The following MYO9A variants were observed in gnomAD, a reference collection of about 807,000 sequenced individuals.
MYO9A encodes the protein myosin IXA.
A neutral mutation model predicts 293.3 loss-of-function variants in MYO9A; 103 were observed. The observed-to-expected ratio is 0.35, with a 90% confidence interval of 0.30 to 0.41. The LOEUF (loss-of-function observed/expected upper bound fraction) is 0.41, where lower values mean the gene tolerates loss of function less well. Ranked by LOEUF, MYO9A falls within the 10% of genes least tolerant of loss-of-function variation. The probability of loss-of-function intolerance (pLI) is 1.00; values close to 1 mark genes in which losing one functional copy is unlikely to be tolerated. For synonymous variants in MYO9A, 1,001 were observed against 1,035.7 expected, an observed-to-expected ratio of 0.97 and a Z score of 0.64; for missense variants, 2,685 against 3,033.0, an observed-to-expected ratio of 0.89 and a Z score of 2.69.
In MYO9A at chr15:72,078,957, CGTT is replaced by C. The variant is rs1270329829; in HGVS notation, c.-71-32326_-71-32324del. ...CAGCAAGAAGACAGTGGTTGAAAAGCGTTGTGGGAGGTGAAAGGATGAAAAGGT... is the reference window on the plus strand; with the variant it reads ...CAGCAAGAAGACAGTGGTTGAAAAGCGTGGGAGGTGAAAGGATGAAAAGGT... On this transcript the variant is annotated intron_variant, in intron 1 of 41. Transcript: ENST00000356056. Among the ~76,000 whole-genome samples, 10 of 152,090 alleles carry C rather than the reference CGTT, an allele frequency of 6.6e-5. 1 individual carries two copies.
intron 1 of MYO9A, among the ~76,000 whole-genome samples, chr15:72,072,419 C>T (rs1201550387): frequency 1.3e-5 from 2 of 152,206 alleles, no homozygotes; most frequent in African/African-American, 4.8e-5. Flanking sequence ...GCGTGAACCA[C>T]AGCGTCCAGC....
chr15:72,042,471 A>G (rs1430603258), intron 2 of MYO9A, among the ~76,000 whole-genome samples: 4 of 152,180 alleles, frequency 2.6e-5, no homozygotes, highest in Non-Finnish European at 4.4e-5. Flanking sequence ...CATTCCTGAA[A>G]AAAAGCTCTA....
intron 26 of MYO9A, chr15:71,889,443 CCTTTTTTTT>C (rs1257500172): frequency 1.5e-5 from 2 of 135,116 alleles, no homozygotes; most frequent in Non-Finnish European, 3.1e-5. Context: ...GTCTAACAAA[CCTTTTTTTT>C]TTTTTTTTTT....
intron 1 of MYO9A, among the ~76,000 whole-genome samples, chr15:72,097,934 T>A (rs978773310): frequency 1.3e-5 from 2 of 151,614 alleles, no homozygotes; most frequent in Non-Finnish European, 2.9e-5. Context: ...AAATAAAAAT[T>A]TTTTTAAAAA....
At chr15:72,086,915 G>A (rs1374348454) in intron 1 of MYO9A, among the ~76,000 whole-genome samples, 6 of 152,074 alleles carry the variant, frequency 3.9e-5, no homozygotes, top group Non-Finnish European at 7.4e-5. Flanking sequence ...TTACAGGCAT[G>A]CACCACACAC....
At chr15:71,853,870 A>G (rs1037580431) in intron 35 of MYO9A, among the ~76,000 whole-genome samples, 1 of 152,238 alleles carries the variant, frequency 6.6e-6, no homozygotes, top group African/African-American at 2.4e-5. Context: ...AGAAAGGGGA[A>G]ATAGATTATG....
chr15:72,103,539 CAGCAGAAGCAGTGGA>C (rs1455887727), intron 1 of MYO9A, among the ~76,000 whole-genome samples: 13 of 150,162 alleles, frequency 8.7e-5, no homozygotes, highest in Admixed American at 3.3e-4. Context: ...GAAGCAGAAG[CAGCAGAAGCAGTGGA>C]AGCAGAAGCA....
chr15:71,885,348 A>G (rs1348397186), intron 27 of MYO9A, among the ~76,000 whole-genome samples: 1 of 152,144 alleles, frequency 6.6e-6, no homozygotes, highest in East Asian at 1.9e-4. Flanking sequence ...TTCCCTAAAT[A>G]ATCTACTTTA....
At chr15:71,908,511 A>G (rs2057738085) in intron 19 of MYO9A, among the ~76,000 whole-genome samples, 2 of 152,184 alleles carry the variant, frequency 1.3e-5, no homozygotes, top group Non-Finnish European at 2.9e-5. Flanking sequence ...CATTGTTAAT[A>G]ATTAGTATGA....
chr15:72,057,737 A>C (rs189477426), intron 1 of MYO9A, among the ~76,000 whole-genome samples: 1 of 152,346 alleles, frequency 6.6e-6, no homozygotes, highest in Non-Finnish European at 1.5e-5. Context: ...CTGAATGCAT[A>C]AAAGAAGGCT....
intron 3 of MYO9A, among the ~76,000 whole-genome samples, chr15:72,031,743 A>C (rs1596424573): frequency 1.3e-5 from 2 of 152,016 alleles, no homozygotes; most frequent in South Asian, 4.1e-4. Flanking sequence ...ATTTAAAAAA[A>C]AAAAACTATG....
At chr15:72,064,208 T>C (rs981800616) in intron 1 of MYO9A, among the ~76,000 whole-genome samples, 13 of 152,088 alleles carry the variant, frequency 8.5e-5, no homozygotes, top group Admixed American at 6.6e-4. Context: ...GGTTAATGGG[T>C]ATAAAAATAT....
In MYO9A at chr15:72,076,564, C is replaced by T. The variant is rs568339468; in HGVS notation, c.-71-29930G>A. Reference sequence around the variant, plus strand: ...ACCAGAATATGTGAAAGATCTCTAACGTGAAAACTATGAAACTTTGCTAAA... The same window carrying T: ...ACCAGAATATGTGAAAGATCTCTAATGTGAAAACTATGAAACTTTGCTAAA... On this transcript the variant is annotated intron_variant, in intron 1 of 41. Coordinates refer to ENST00000356056, the MANE Select transcript of MYO9A (RefSeq NM_006901.4). Among the ~76,000 whole-genome samples the T allele has an allele frequency of 2.0e-4, 31 of 152,110 alleles. No homozygotes were observed. In the South Asian group the frequency reaches 5.8e-3, roughly 28 times the overall value.
At chr15:71,862,157 T>C (rs187453400) in intron 33 of MYO9A, among the ~76,000 whole-genome samples, 125 of 151,814 alleles carry the variant, frequency 8.2e-4, no homozygotes, top group Middle Eastern at 3.4e-3. Context: ...AATAGCGAAT[T>C]TGGGGACAAG....
intron 25 of MYO9A, among the ~76,000 whole-genome samples, chr15:71,896,480 T>C (rs2057331207): frequency 6.6e-6 from 1 of 152,088 alleles, no homozygotes; most frequent in East Asian, 1.9e-4. Flanking sequence ...TAAAAAAGTA[T>C]AAAGAAATTC....
intron 19 of MYO9A, among the ~76,000 whole-genome samples, chr15:71,906,177 A>G (rs1812807125): frequency 6.6e-6 from 1 of 152,200 alleles, no homozygotes; most frequent in Admixed American, 6.5e-5. Context: ...TTCTATTATA[A>G]ATACAACATT....
intron 31 of MYO9A, 25 bp from the exon 32 acceptor site, chr15:71,875,863 G>T: frequency 7.8e-7 from 1 of 1,289,758 alleles, no homozygotes; most frequent in South Asian, 2.5e-5. Flanking sequence ...GGAGATATAT[G>T]GAAATTGTGA....
intron 18 of MYO9A, among the ~76,000 whole-genome samples, chr15:71,933,196 C>T (rs1318828324): frequency 1.3e-5 from 2 of 152,088 alleles, no homozygotes; most frequent in African/African-American, 4.8e-5. Context: ...ATTATAGCTG[C>T]ATTTCTGCTA....
chr15:72,019,840 C>G (rs1244797829), intron 5 of MYO9A, among the ~76,000 whole-genome samples: 2 of 152,168 alleles, frequency 1.3e-5, no homozygotes, highest in African/African-American at 4.8e-5. Context: ...ACCTCTGCCT[C>G]CCGGGTTGAA....
Sources: allele counts gnomAD v4.1 joint callset (sites outside exome capture counted in the v4.1 genomes callset), GRCh38; gene constraint gnomAD v4.1.1; transcripts MANE v1.5; gene names NCBI Gene and HGNC (gene_info 2026-07-23, HGNC 2026-07-21).